The following ANKS1B variants were observed in gnomAD, a reference collection of about 807,000 sequenced individuals.
The protein encoded by ANKS1B is ankyrin repeat and sterile alpha motif domain-containing protein 1B.
ANKS1B carries 36 observed loss-of-function variants against 148.3 expected under a neutral mutation model. That is an observed-to-expected ratio of 0.24 (90% CI 0.19 to 0.32). ANKS1B has a LOEUF of 0.32. Ranked by LOEUF, ANKS1B falls within the 10% of genes least tolerant of loss-of-function variation. The probability of loss-of-function intolerance (pLI) is 1.00; values close to 1 mark genes in which losing one functional copy is unlikely to be tolerated. For missense variants in ANKS1B, 1,157 were observed against 1,542.6 expected (o/e 0.75, Z 4.19); for synonymous variants, 542 against 560.8 (o/e 0.97, Z 0.47).
chr12:99,205,245 C>T (rs1038284317), intron 14 of ANKS1B, among the ~76,000 whole-genome samples: 3 of 152,206 alleles, frequency 2.0e-5, no homozygotes, highest in African/African-American at 7.2e-5. Flanking sequence ...TTATCCTTTA[C>T]AAGGAAAGTA....
At chr12:99,926,434 C>G (rs951134028) in intron 1 of ANKS1B, among the ~76,000 whole-genome samples, 1 of 152,166 alleles carries the variant, frequency 6.6e-6, no homozygotes, top group African/African-American at 2.4e-5. Context: ...AAAAAGTTGA[C>G]CTTCTCTTGA....
intron 12 of ANKS1B, among the ~76,000 whole-genome samples, chr12:99,293,349 C>CG (rs2080325955): frequency 9.2e-6 from 1 of 108,136 alleles, no homozygotes; most frequent in South Asian, 3.3e-4. Context: ...TGGGGCCTGT[C>CG]GGGGGGTGGG....
chr12:99,583,736 T>C (rs1297313457), intron 9 of ANKS1B, among the ~76,000 whole-genome samples: 1 of 152,242 alleles, frequency 6.6e-6, no homozygotes, highest in Non-Finnish European at 1.5e-5. Flanking sequence ...TCAACAAATA[T>C]TTATGAAACT....
At chr12:99,966,812 C>T (rs1394221157) in intron 1 of ANKS1B, among the ~76,000 whole-genome samples, 1 of 152,204 alleles carries the variant, frequency 6.6e-6, no homozygotes, top group Non-Finnish European at 1.5e-5. Context: ...TCATGGATTA[C>T]AGCACAGCAC....
At chr12:99,165,147 T>C (rs1399609287) in intron 14 of ANKS1B, among the ~76,000 whole-genome samples, 3 of 151,948 alleles carry the variant, frequency 2.0e-5, no homozygotes, top group African/African-American at 7.2e-5. Context: ...CTCACCACTA[T>C]ACTAGTAAGG....
At chr12:99,812,396 C>A in intron 2 of ANKS1B, 85 bp from the exon 3 acceptor site, 1 of 1,401,908 alleles carries the variant, frequency 7.1e-7, no homozygotes, top group Non-Finnish European at 9.6e-7. Flanking sequence ...ATACTAGATG[C>A]TGGGTGGGAA....
At chr12:98,889,938 G>A (rs1013525565) in intron 17 of ANKS1B, among the ~76,000 whole-genome samples, 1 of 152,142 alleles carries the variant, frequency 6.6e-6, no homozygotes, top group Non-Finnish European at 1.5e-5. Flanking sequence ...ATTAGGAAGA[G>A]AGGGGCTCAG....
chr12:98,800,679 T>G (rs1388478292), intron 21 of ANKS1B, among the ~76,000 whole-genome samples: 1 of 123,844 alleles, frequency 8.1e-6, no homozygotes, highest in Non-Finnish European at 1.8e-5. Context: ...AGCAGAGATA[T>G]ATATATATAT....
chr12:98,777,347 A>G (rs529826753), intron 24 of ANKS1B, among the ~76,000 whole-genome samples: 2 of 152,240 alleles, frequency 1.3e-5, no homozygotes, highest in African/African-American at 4.8e-5. Context: ...AACAACAATG[A>G]AAGCAAAAAA....
intron 12 of ANKS1B, among the ~76,000 whole-genome samples, chr12:99,254,910 GGTTT>G (rs1215409335): frequency 6.6e-6 from 1 of 152,056 alleles, no homozygotes; most frequent in Non-Finnish European, 1.5e-5. Flanking sequence ...TGCTAGATTT[GGTTT>G]GTTAGTACTT....
At chr12:99,291,031 C>G (rs1260840945) in intron 12 of ANKS1B, among the ~76,000 whole-genome samples, 1 of 151,686 alleles carries the variant, frequency 6.6e-6, no homozygotes, top group Non-Finnish European at 1.5e-5. Flanking sequence ...AAAACCCAAA[C>G]TAATTCAGTA....
chr12:99,382,263 T>C (rs1325621974), intron 12 of ANKS1B, among the ~76,000 whole-genome samples: 1 of 152,204 alleles, frequency 6.6e-6, no homozygotes, highest in African/African-American at 2.4e-5. Context: ...CCAATCACTT[T>C]CATAATTACA....
intron 17 of ANKS1B, among the ~76,000 whole-genome samples, chr12:98,920,697 T>A (rs2099800267): frequency 6.6e-6 from 1 of 152,214 alleles, no homozygotes; most frequent in African/African-American, 2.4e-5. Context: ...AGCCAAACCA[T>A]ATCAATTACT....
intron 9 of ANKS1B, among the ~76,000 whole-genome samples, chr12:99,650,785 A>G (rs2098414363): frequency 6.6e-6 from 1 of 152,182 alleles, no homozygotes; most frequent in Non-Finnish European, 1.5e-5. Context: ...AATCTGGACA[A>G]AAACTGGAAA....
chr12:99,760,172 A>C (rs10745872), intron 8 of ANKS1B, among the ~76,000 whole-genome samples: 67,759 of 151,546 alleles, frequency 0.45, 15,529 homozygotes, highest in South Asian at 0.61. Flanking sequence ...TGAAGTCCAT[A>C]AAAATGTGCA....
At chr12:99,710,058 G>A (rs533324380) in intron 8 of ANKS1B, among the ~76,000 whole-genome samples, 21 of 149,616 alleles carry the variant, frequency 1.4e-4, no homozygotes, top group Non-Finnish European at 2.5e-4. Flanking sequence ...TTCATTTTCC[G>A]TATTATAGTA....
At chr12:99,374,579 C>A (rs73151124) in intron 12 of ANKS1B, among the ~76,000 whole-genome samples, 19,030 of 152,192 alleles carry the variant, frequency 0.13, 1,257 homozygotes, top group African/African-American at 0.17. Flanking sequence ...ATGTATAGTT[C>A]ACATTTATTT....
At chr12:99,134,780 G>A (rs1325006487) in intron 15 of ANKS1B, among the ~76,000 whole-genome samples, 1 of 151,818 alleles carries the variant, frequency 6.6e-6, no homozygotes, top group Non-Finnish European at 1.5e-5. Flanking sequence ...CCTTTCTGGG[G>A]AGAGCTGGAG....
rs547121766 is a variant in ANKS1B at position 99,467,772 on chromosome 12, G to C, written c.1439-23963C>G. Among the ~76,000 whole-genome samples, 7 of 152,226 alleles carry C rather than the reference G, an allele frequency of 4.6e-5. No homozygotes were observed. In the South Asian group the frequency reaches 1.5e-3, roughly 32 times the overall value. ...TCTTCAAGGAGAACTACAAACCACT[G>C]CTCAATGAAATAAAAGAGGATACAA... On this transcript the variant is annotated intron_variant, in intron 10 of 26. Coordinates refer to ENST00000683438, the MANE Select transcript of ANKS1B (RefSeq NM_001352186.2).
Sources: gnomAD v4.1 joint callset for allele counts (sites outside exome capture counted in the v4.1 genomes callset) on GRCh38, gnomAD v4.1.1 for gene constraint, MANE v1.5 for transcripts, NCBI Gene and HGNC (gene_info 2026-07-23, HGNC 2026-07-21) for gene names.